Variants in EPHA6 observed in about 807,000 individuals in gnomAD.
EPHA6 encodes EPH receptor A6.
A neutral mutation model predicts 112.0 loss-of-function variants in EPHA6; 50 were observed. The ratio of observed to expected loss-of-function variants is 0.45; its 90% CI spans 0.36 to 0.56. The LOEUF is 0.56. Among genes scored for constraint, EPHA6 ranks in the 20% least tolerant of loss-of-function variants. EPHA6 has a pLI of 0.00. For missense variants in EPHA6, 1,280 were observed against 1,417.4 expected, an observed-to-expected ratio of 0.90 and a Z score of 1.56; for synonymous variants, 529 against 490.7, an observed-to-expected ratio of 1.08 and a Z score of -1.03.
chr3:97,481,019 A>G (rs924361605), intron 9 of EPHA6, among the ~76,000 whole-genome samples: 2 of 151,446 alleles, frequency 1.3e-5, no homozygotes, highest in Admixed American at 6.6e-5. Flanking sequence ...GGGGCTCCTC[A>G]CATCCCAGAT....
intron 10 of EPHA6, among the ~76,000 whole-genome samples, chr3:97,521,549 C>T (rs2092543010): frequency 6.6e-6 from 1 of 152,140 alleles, no homozygotes; most frequent in East Asian, 1.9e-4. Flanking sequence ...CATCAGATCT[C>T]ATGAGAACAT....
At chr3:97,664,143 G>A (rs1483416858) in intron 14 of EPHA6, among the ~76,000 whole-genome samples, 2 of 152,188 alleles carry the variant, frequency 1.3e-5, no homozygotes, top group Admixed American at 6.5e-5. Context: ...CTTTTGAGAA[G>A]TGTCTGTTCA....
intron 3 of EPHA6, among the ~76,000 whole-genome samples, chr3:97,149,675 C>A (rs1210496661): frequency 1.3e-5 from 2 of 151,636 alleles, no homozygotes; most frequent in East Asian, 3.9e-4. Flanking sequence ...AACATGAATT[C>A]TATATGTTTA....
At chr3:97,242,322 A>T (rs1017129783) in intron 4 of EPHA6, among the ~76,000 whole-genome samples, 1 of 151,722 alleles carries the variant, frequency 6.6e-6, no homozygotes, top group Non-Finnish European at 1.5e-5. Flanking sequence ...TGCCAGTTCC[A>T]TGGTTATTTC....
At chr3:97,525,901 G>A (rs926037973) in intron 10 of EPHA6, among the ~76,000 whole-genome samples, 5 of 152,230 alleles carry the variant, frequency 3.3e-5, no homozygotes, top group Admixed American at 6.5e-5. Flanking sequence ...CTTTTTCCAC[G>A]TGCAATGATG....
Position 97,257,773 on chromosome 3 carries a change from CAGTAA to C in EPHA6, c.1606+13488_1606+13492del, listed in dbSNP as rs1245105685. On this transcript the variant is annotated intron_variant, in intron 5 of 17. Transcript: ENST00000389672. ...GGGTATAAATATCCTAAATGACCAA[CAGTAA>C]ACAATAAATAAAGTGTACTATGTCT... Among the ~76,000 whole-genome samples the C allele has an allele frequency of 2.6e-5, 4 of 151,858 alleles. 1 individual carries two copies. The highest frequency in any genetic ancestry group is 5.9e-5 in the Non-Finnish European group (4 of 67,878).
intron 1 of EPHA6, among the ~76,000 whole-genome samples, chr3:96,827,937 T>G (rs2033774183): frequency 3.9e-5 from 6 of 152,052 alleles, no homozygotes; most frequent in Admixed American, 3.9e-4. Flanking sequence ...ATTCAGGGGT[T>G]GCTTTAGAGT....
intron 11 of EPHA6, among the ~76,000 whole-genome samples, chr3:97,583,073 A>G (rs1481357965): frequency 6.7e-6 from 1 of 149,448 alleles, no homozygotes; most frequent in Non-Finnish European, 1.5e-5. Flanking sequence ...CTAAAAGTGC[A>G]GACCTCACTT....
chr3:97,320,232 C>T lies in EPHA6; in HGVS notation c.1606+75945C>T, dbSNP rs1340371804. 3.3e-5 allele frequency among the ~76,000 whole-genome samples: 5 copies of T among 152,012 alleles called. 1 individual carries two copies. The highest frequency in any genetic ancestry group is 1.2e-4 in the African/African-American group (5 of 41,340). On this transcript the variant is annotated intron_variant, in intron 5 of 17. Transcript: ENST00000389672. ...ATAAATTTTTATTAGTGAACTAATT[C>T]TCCAGGCTAAGACTGGGATATTGTT...
At chr3:97,324,473 T>C (rs542057981) in intron 5 of EPHA6, among the ~76,000 whole-genome samples, 21 of 71,204 alleles carry the variant, frequency 2.9e-4, no homozygotes, top group African/African-American at 3.7e-4. Flanking sequence ...TTCTTTCTTT[T>C]TCTTTCGTCT....
chr3:97,214,908 A>G (rs1190787034), intron 3 of EPHA6, among the ~76,000 whole-genome samples: 5 of 152,146 alleles, frequency 3.3e-5, no homozygotes, highest in African/African-American at 1.2e-4. Flanking sequence ...AACAATATTT[A>G]TTGTACAGCA....
chr3:97,576,624 C>G (rs899797071), intron 11 of EPHA6, among the ~76,000 whole-genome samples: 2 of 152,202 alleles, frequency 1.3e-5, no homozygotes, highest in Admixed American at 1.3e-4. Context: ...AAGTTCAAAC[C>G]ATACTATCTT....
intron 10 of EPHA6, among the ~76,000 whole-genome samples, chr3:97,521,808 A>T (rs1340031930): frequency 2.6e-5 from 4 of 151,218 alleles, no homozygotes; most frequent in Admixed American, 2.0e-4. Flanking sequence ...GGGTTGGGTG[A>T]TGTGAGTTTA....
intron 5 of EPHA6, among the ~76,000 whole-genome samples, chr3:97,384,372 C>G (rs943680858): frequency 6.6e-6 from 1 of 152,186 alleles, no homozygotes; most frequent in African/African-American, 2.4e-5. Context: ...TCCAAGTAGC[C>G]TGGCTTCAAA....
chr3:96,959,905 G>T (rs537971581), intron 2 of EPHA6, among the ~76,000 whole-genome samples: 16 of 152,010 alleles, frequency 1.1e-4, no homozygotes, highest in African/African-American at 3.9e-4. Flanking sequence ...GAATAGAATT[G>T]GGATGAGTAG....
At chr3:97,234,910 G>T (rs1174305325) in intron 4 of EPHA6, among the ~76,000 whole-genome samples, 1 of 151,934 alleles carries the variant, frequency 6.6e-6, no homozygotes, top group Non-Finnish European at 1.5e-5. Context: ...ATGGAAACCT[G>T]CCTGCATCTC....
chr3:97,347,889 C>T (rs1258690334), intron 5 of EPHA6, among the ~76,000 whole-genome samples: 1 of 152,046 alleles, frequency 6.6e-6, no homozygotes, highest in Non-Finnish European at 1.5e-5. Flanking sequence ...CATATATCAA[C>T]ACATCTTTAA....
intron 5 of EPHA6, among the ~76,000 whole-genome samples, chr3:97,331,976 AT>A (rs1250530443): frequency 2.6e-5 from 4 of 152,146 alleles, no homozygotes; most frequent in Non-Finnish European, 4.4e-5. Flanking sequence ...TTAGACCAAT[AT>A]CCCTGATGAA....
chr3:96,948,790 T>G (rs1256240094), intron 2 of EPHA6, among the ~76,000 whole-genome samples: 1 of 152,158 alleles, frequency 6.6e-6, no homozygotes, highest in African/African-American at 2.4e-5. Context: ...GATTGTTTGC[T>G]AAGTAAAAAT....
Sources: gnomAD v4.1 joint callset for allele counts (sites outside exome capture counted in the v4.1 genomes callset) on GRCh38, gnomAD v4.1.1 for gene constraint, MANE v1.5 for transcripts, NCBI Gene and HGNC (gene_info 2026-07-23, HGNC 2026-07-21) for gene names.